CCDC40: variants seen among roughly 807,000 people sequenced by gnomAD.
CCDC40 encodes coiled-coil domain 40 molecular ruler complex subunit, also known as coiled-coil domain-containing protein 40.
Under a neutral mutation model 124.5 loss-of-function variants are expected in CCDC40, and 104 were observed. The ratio of observed to expected loss-of-function variants is 0.84; its 90% CI spans 0.71 to 0.98. CCDC40 has a LOEUF of 0.98. CCDC40 is among the 50% of genes least tolerant of loss of function. The pLI is 0.00. For synonymous variants in CCDC40, 580 were observed against 602.9 expected (o/e 0.96, Z 0.56); for missense variants, 1,463 against 1,503.9 (o/e 0.97, Z 0.45).
intron 9 of CCDC40, among the ~76,000 whole-genome samples, chr17:80,064,796 T>C (rs1404051237): frequency 1.3e-5 from 2 of 151,606 alleles, no homozygotes; most frequent in Non-Finnish European, 2.9e-5. Context: ...GGCTGTCCAG[T>C]TGTGCCTCCT....
chr17:80,059,615 A>G (rs2037847743), intron 9 of CCDC40, among the ~76,000 whole-genome samples: 1 of 150,474 alleles, frequency 6.6e-6, no homozygotes, highest in Non-Finnish European at 1.5e-5. Flanking sequence ...GCTGGAGTGC[A>G]GTGGCACAAT....
chr17:80,050,303 CCA>C lies in CCDC40; in HGVS notation c.1159+24_1159+25del. 6.5e-7 allele frequency: 1 copy of C among 1,541,932 alleles called. No individual in the cohort carries two copies. Among genetic ancestry groups the C allele is most frequent in the Non-Finnish European group, 8.8e-7 (1 of 1,140,276 alleles). On this transcript the variant is annotated intron_variant, in intron 7 of 19. Coordinates refer to ENST00000397545, the MANE Select transcript of CCDC40 (RefSeq NM_017950.4). ...AAAAGTGTAAGGCAACCCGGCAGCC[CCA>C]CACGCCATCCGGTCCTGGAGGGTTT...
chr17:80,063,172 G>T (rs2143666917), intron 9 of CCDC40, among the ~76,000 whole-genome samples: 1 of 151,612 alleles, frequency 6.6e-6, no homozygotes, highest in South Asian at 2.1e-4. Flanking sequence ...TCCAGCCTGG[G>T]TGACGAGAGT....
chr17:80,057,713 A>G (rs1052524539), intron 7 of CCDC40, among the ~76,000 whole-genome samples: 18 of 151,878 alleles, frequency 1.2e-4, no homozygotes, highest in Non-Finnish European at 1.8e-4. Flanking sequence ...CGTCTCTACT[A>G]AAAATACAAA....
rs566472245 is a variant in CCDC40, at chr17:80,062,966, G to A, written c.1441-2519G>A. Among the ~76,000 whole-genome samples the A allele has an allele frequency of 2.5e-4, 38 of 152,192 alleles. No homozygotes were observed. The East Asian group carries it at 5.2e-3, about 21-fold the overall frequency. Reference sequence around the variant, plus strand: ...CCCAGCACTTTGTGAGACCGAGGTCGGCAGATCACCTGAGGGTCAGGAGTT... The same window carrying A: ...CCCAGCACTTTGTGAGACCGAGGTCAGCAGATCACCTGAGGGTCAGGAGTT... On this transcript the variant is annotated intron_variant, in intron 9 of 19. Coordinates refer to ENST00000397545, the MANE Select transcript of CCDC40 (RefSeq NM_017950.4).
chr17:80,088,061 CGAG>C lies in CCDC40; in HGVS notation c.2674_2676del (p.Glu892del), dbSNP rs1567811513. 6.2e-7 allele frequency: 1 copy of C among 1,613,700 alleles called. No homozygotes were observed. Among genetic ancestry groups the C allele is most frequent in the East Asian group, 2.2e-5 (1 of 44,850 alleles). The stretch of plus-strand genomic sequence containing the variant: ...TGCAGGACAAGCTGAACCAGCTCAG[CGAG>C]GAGAAGGCGACCCTCCTGAATCAAC... On this transcript the variant is annotated inframe_deletion, in exon 16 of 20. Transcript: ENST00000397545.
chr17:80,090,710 G>A (rs1713331387), intron 17 of CCDC40: 1 of 1,415,796 alleles, frequency 7.1e-7, no homozygotes, highest in African/African-American at 1.4e-5. Context: ...GCCTTTAAAA[G>A]GCTGGTAATT....
intron 7 of CCDC40, among the ~76,000 whole-genome samples, chr17:80,052,072 T>C (rs1041194221): frequency 3.9e-5 from 6 of 152,164 alleles, no homozygotes; most frequent in Non-Finnish European, 8.8e-5. Flanking sequence ...CACTGCACAG[T>C]CCCTTAGGTG....
chr17:80,072,322 A>G (rs772699385), intron 10 of CCDC40, among the ~76,000 whole-genome samples: 4 of 152,202 alleles, frequency 2.6e-5, no homozygotes, highest in Non-Finnish European at 5.9e-5. Context: ...GACATTTGAA[A>G]AACAGAGAAA....
At chr17:80,040,778 A>C (rs927140110) in intron 3 of CCDC40, among the ~76,000 whole-genome samples, 8 of 151,964 alleles carry the variant, frequency 5.3e-5, no homozygotes, top group African/African-American at 1.9e-4. Flanking sequence ...CAGTCTGCCC[A>C]AGCCCAAGGC....
Position 80,089,874 on chromosome 17 carries a change from ACAGGATGAAGG to A in CCDC40, c.2823_2832+1del. 6.2e-7 allele frequency: 1 copy of A among 1,614,244 alleles called. No homozygotes were observed. Among genetic ancestry groups the A allele is most frequent in the Non-Finnish European group, 8.5e-7 (1 of 1,180,050 alleles). On this transcript the variant is annotated splice_donor_variant and coding_sequence_variant, in exon 17 of 20. Coordinates refer to ENST00000397545, the MANE Select transcript of CCDC40 (RefSeq NM_017950.4). LOFTEE classifies it high-confidence loss of function. ...ATCCGGGCCATGAAGGGCGAGATCC[ACAGGATGAAGG>A]TGAGGGGAGGAGAGCGGCGTGGCAG...
intron 19 of CCDC40, 192 bp downstream of exon 19, chr17:80,097,595 G>A: frequency 1.6e-6 from 1 of 614,390 alleles, no homozygotes; most frequent in South Asian, 2.0e-5. Flanking sequence ...ACTGACAAAT[G>A]TTGATGGAGT....
At chr17:80,069,511 C>T (rs973190076) in intron 10 of CCDC40, among the ~76,000 whole-genome samples, 6 of 151,890 alleles carry the variant, frequency 4.0e-5, no homozygotes, top group African/African-American at 1.2e-4. Flanking sequence ...TTTGGGAGGC[C>T]GAGGCGGGCA....
At chr17:80,090,484 C>T in intron 17 of CCDC40, 1 of 1,502,884 alleles carries the variant, frequency 6.7e-7, no homozygotes, top group South Asian at 1.2e-5. Context: ...CACACACAAG[C>T]ACGTGCATGT....
chr17:80,084,592 C>A, intron 12 of CCDC40, 151 bp from the exon 13 acceptor site: 1 of 876,722 alleles, frequency 1.1e-6, no homozygotes, highest in Admixed American at 2.0e-5. Context: ...GTCCTGGAGA[C>A]AGTGGGAAAT....
Position 80,048,835 on chromosome 17 carries a change from A to G in CCDC40, c.855+74A>G, listed in dbSNP as rs1023710015. ...GACTCAGGCCCCTTTCTCTGCCTGC[A>G]CTGTCTCCCACTCCTGACCCTAAAT... On this transcript the variant is annotated intron_variant, in intron 5 of 19. Transcript: ENST00000397545. The G allele has an allele frequency of 3.3e-5, 42 of 1,272,704 alleles. No individual in the cohort carries two copies. The East Asian group carries it at 9.6e-4, about 29-fold the overall frequency. 78.8% of individuals were successfully genotyped at this position (1,272,704 alleles called of 1,614,324 possible). A position where few individuals can be genotyped will look rare whatever the true frequency, so the allele number is the denominator to read the frequency against.
At chr17:80,037,683 T>TAAAAAAA (rs11312279) in intron 1 of CCDC40, among the ~76,000 whole-genome samples, 40 of 44,408 alleles carry the variant, frequency 9.0e-4, no homozygotes, top group South Asian at 4.0e-3. Context: ...TTTAATTTTT[T>TAAAAAAA]AAAAAAGATA....
chr17:80,059,711 C>T (rs991794582), intron 9 of CCDC40, among the ~76,000 whole-genome samples: 2 of 152,076 alleles, frequency 1.3e-5, no homozygotes, highest in African/African-American at 4.8e-5. Flanking sequence ...AGGCGCCCAC[C>T]TCCATGCCCA....
intron 17 of CCDC40, among the ~76,000 whole-genome samples, chr17:80,091,458 G>A (rs1429855060): frequency 6.6e-6 from 1 of 152,140 alleles, no homozygotes; most frequent in Non-Finnish European, 1.5e-5. Flanking sequence ...GAGAGCCCAT[G>A]ATTCAGTCAA....
Sources: allele counts gnomAD v4.1 joint callset (sites outside exome capture counted in the v4.1 genomes callset), GRCh38; gene constraint gnomAD v4.1.1; transcripts MANE v1.5; gene names NCBI Gene and HGNC (gene_info 2026-07-23, HGNC 2026-07-21).